Variants in HERPUD2 observed in about 807,000 individuals in gnomAD.
HERPUD2 encodes HERPUD family member 2, also known as homocysteine-responsive endoplasmic reticulum-resident ubiquitin-like domain member 2 protein.
A neutral mutation model predicts 49.9 loss-of-function variants in HERPUD2; 13 were observed. The observed-to-expected ratio is 0.26, with a 90% CI of 0.17 to 0.41. The LOEUF is 0.41. HERPUD2 is among the 10% of genes least tolerant of loss of function. HERPUD2 has a pLI of 1.00. For synonymous variants in HERPUD2, 172 were observed against 171.4 expected, an observed-to-expected ratio of 1.00 and a Z score of -0.03; for missense variants, 449 against 492.2, an observed-to-expected ratio of 0.91 and a Z score of 0.83.
intron 5 of HERPUD2, among the ~76,000 whole-genome samples, chr7:35,645,952 T>C (rs1285459218): frequency 2.6e-5 from 4 of 152,194 alleles, no homozygotes; most frequent in Non-Finnish European, 5.9e-5. Flanking sequence ...CTCACATGTA[T>C]TACCTCTTAG....
chr7:35,656,760 G>C (rs1024601417), intron 5 of HERPUD2, among the ~76,000 whole-genome samples: 1 of 152,128 alleles, frequency 6.6e-6, no homozygotes, highest in Non-Finnish European at 1.5e-5. Context: ...ATACACTGGG[G>C]AAAGAACACC....
intron 5 of HERPUD2, among the ~76,000 whole-genome samples, chr7:35,657,331 T>G (rs1319362469): frequency 1.3e-5 from 2 of 152,010 alleles, no homozygotes; most frequent in Non-Finnish European, 2.9e-5. Flanking sequence ...CCTGTTAGAA[T>G]GGCTATTACT....
intron 5 of HERPUD2, among the ~76,000 whole-genome samples, chr7:35,662,322 G>C (rs375849463): frequency 1.6e-4 from 25 of 152,146 alleles, no homozygotes; most frequent in East Asian, 1.2e-3. Flanking sequence ...CGGGGATATT[G>C]GTCTAAAATT....
At chr7:35,659,476 T>C (rs1406414438) in intron 5 of HERPUD2, among the ~76,000 whole-genome samples, 1 of 152,266 alleles carries the variant, frequency 6.6e-6, no homozygotes, top group Non-Finnish European at 1.5e-5. Flanking sequence ...AAAGAATTTA[T>C]AAGTAATTGC....
At chr7:35,648,129 C>A (rs1329554362) in intron 5 of HERPUD2, among the ~76,000 whole-genome samples, 1 of 152,070 alleles carries the variant, frequency 6.6e-6, no homozygotes, top group Non-Finnish European at 1.5e-5. Flanking sequence ...TAAACTGGTA[C>A]AACTTTACTG....
chr7:35,662,286 T>C (rs1191853134), intron 5 of HERPUD2, among the ~76,000 whole-genome samples: 2 of 152,254 alleles, frequency 1.3e-5, no homozygotes, highest in East Asian at 1.9e-4. Flanking sequence ...CAGTATTTTA[T>C]TGAGGATTTT....
chr7:35,678,318 T>G (rs1362672417), intron 2 of HERPUD2, among the ~76,000 whole-genome samples: 3 of 152,100 alleles, frequency 2.0e-5, no homozygotes, highest in Non-Finnish European at 2.9e-5. Context: ...TTTTTTGTTT[T>G]GAGACAGAGT....
chr7:35,677,097 T>C (rs1437636825), intron 2 of HERPUD2, among the ~76,000 whole-genome samples: 5 of 152,198 alleles, frequency 3.3e-5, no homozygotes, highest in Non-Finnish European at 7.4e-5. Context: ...ACAAGGTGCA[T>C]TCAAAGAGGC....
In HERPUD2 at chr7:35,638,500, T is replaced by C. The variant is rs556290703; in HGVS notation, c.495-28A>G. 55 of 1,605,734 alleles carry C rather than the reference T, an allele frequency of 3.4e-5. No individual in the cohort carries two copies. In the South Asian group the frequency reaches 5.5e-4, roughly 16 times the overall value. On this transcript the variant is annotated intron_variant, in intron 5 of 8. Transcript: ENST00000311350. ...GCAAGAAATAAATAATGAGCTCTTT[T>C]AATGCTCTAGCAGCTAAAAGTATTA...
At chr7:35,682,244 T>C (rs113295045) in intron 2 of HERPUD2, among the ~76,000 whole-genome samples, 1,322 of 78,626 alleles carry the variant, frequency 0.017, 70 homozygotes, top group African/African-American at 0.065. Flanking sequence ...TATATACACA[T>C]ACACACGTGT....
At chr7:35,659,432 T>C (rs1170218273) in intron 5 of HERPUD2, among the ~76,000 whole-genome samples, 1 of 152,240 alleles carries the variant, frequency 6.6e-6, no homozygotes, top group African/African-American at 2.4e-5. Context: ...CTTATAAATG[T>C]TTGCTGAATG....
At chr7:35,653,892 CAGGAGG>C (rs1785220023) in intron 5 of HERPUD2, among the ~76,000 whole-genome samples, 1 of 152,030 alleles carries the variant, frequency 6.6e-6, no homozygotes, top group Non-Finnish European at 1.5e-5. Flanking sequence ...CCCAGCTACT[CAGGAGG>C]CTGAGGCAGA....
chr7:35,688,065 T>C (rs1258940567), intron 2 of HERPUD2, among the ~76,000 whole-genome samples: 1 of 152,230 alleles, frequency 6.6e-6, no homozygotes, highest in Non-Finnish European at 1.5e-5. Flanking sequence ...CAATGAACTA[T>C]AATCTAGTCC....
chr7:35,646,982 A>G (rs1232626555), intron 5 of HERPUD2, among the ~76,000 whole-genome samples: 2 of 146,150 alleles, frequency 1.4e-5, no homozygotes, highest in African/African-American at 4.9e-5. Flanking sequence ...TATGAAAAAA[A>G]AACCAAGAAG....
intron 2 of HERPUD2, among the ~76,000 whole-genome samples, chr7:35,678,214 T>G (rs1468283838): frequency 1.3e-5 from 2 of 151,468 alleles, no homozygotes; most frequent in Admixed American, 1.3e-4. Flanking sequence ...GGGTTAAAGT[T>G]GCAATGACTG....
intron 2 of HERPUD2, among the ~76,000 whole-genome samples, chr7:35,692,393 G>C (rs1786213045): frequency 6.6e-6 from 1 of 152,242 alleles, no homozygotes; most frequent in South Asian, 2.1e-4. Flanking sequence ...TAAAGATCTC[G>C]CCTACGTACA....
At chr7:35,655,054 G>A (rs1785245252) in intron 5 of HERPUD2, among the ~76,000 whole-genome samples, 1 of 152,078 alleles carries the variant, frequency 6.6e-6, no homozygotes, top group African/African-American at 2.4e-5. Flanking sequence ...GTTTCACAAT[G>A]TTGGCCAGGC....
intron 2 of HERPUD2, among the ~76,000 whole-genome samples, chr7:35,680,528 T>C (rs912909879): frequency 6.6e-6 from 1 of 152,214 alleles, no homozygotes; most frequent in Non-Finnish European, 1.5e-5. Context: ...TGGCCAGATC[T>C]GGCTTCTGTC....
intron 5 of HERPUD2, among the ~76,000 whole-genome samples, chr7:35,652,217 T>C (rs1202131935): frequency 6.6e-6 from 1 of 152,208 alleles, no homozygotes; most frequent in Non-Finnish European, 1.5e-5. Flanking sequence ...GTGCGCTCAG[T>C]CCTCTCACTG....
Sources: gnomAD v4.1 joint callset for allele counts (sites outside exome capture counted in the v4.1 genomes callset) on GRCh38, gnomAD v4.1.1 for gene constraint, MANE v1.5 for transcripts, NCBI Gene and HGNC (gene_info 2026-07-23, HGNC 2026-07-21) for gene names.